Variants in CDH8 observed in about 807,000 individuals in gnomAD.
CDH8 encodes cadherin-8.
Under a neutral mutation model 68.1 loss-of-function variants are expected in CDH8, and 17 were observed. That is an observed-to-expected ratio of 0.25 (90% CI 0.17 to 0.37). The LOEUF is 0.37. Among genes scored for constraint, CDH8 ranks in the 10% least tolerant of loss-of-function variants. CDH8 has a pLI of 1.00. For synonymous variants in CDH8, 372 were observed against 365.1 expected, an observed-to-expected ratio of 1.02 and a Z score of -0.21; for missense variants, 763 against 999.3, an observed-to-expected ratio of 0.76 and a Z score of 3.19.
At chr16:61,987,865 A>G (rs1965654738) in intron 2 of CDH8, among the ~76,000 whole-genome samples, 1 of 152,118 alleles carries the variant, frequency 6.6e-6, no homozygotes, top group Non-Finnish European at 1.5e-5. Context: ...GGCACTTTGT[A>G]TGAATTGCCT....
intron 10 of CDH8, among the ~76,000 whole-genome samples, chr16:61,689,572 A>T (rs1031108019): frequency 6.6e-6 from 1 of 152,110 alleles, no homozygotes; most frequent in South Asian, 2.1e-4. Context: ...CTTAAATTCT[A>T]CAGCTTTAAA....
chr16:61,672,515 T>C (rs1039195098), intron 10 of CDH8, among the ~76,000 whole-genome samples: 1 of 152,062 alleles, frequency 6.6e-6, no homozygotes, highest in African/African-American at 2.4e-5. Context: ...GGAATACATT[T>C]GTTATTCCAC....
rs202108642 is a variant in CDH8, at chr16:61,721,497, C to CA, written c.1536+5596dup. The stretch of plus-strand genomic sequence containing the variant: ...TAGAAAAAGACTCACAGAAACTAGA[C>CA]AAAAAAAATAAAGTATCAAACCCAT... On this transcript the variant is annotated intron_variant, in intron 9 of 11. Coordinates refer to ENST00000577390, the MANE Select transcript of CDH8 (RefSeq NM_001796.5). 7.7e-3 allele frequency among the ~76,000 whole-genome samples: 1,157 copies of CA among 150,216 alleles called. 9 individuals are homozygous for CA. The highest frequency in any genetic ancestry group is 0.026 in the African/African-American group (1,078 of 41,196).
intron 10 of CDH8, among the ~76,000 whole-genome samples, chr16:61,663,240 A>ATGTAAATATG (rs1279029880): frequency 2.0e-5 from 3 of 152,072 alleles, no homozygotes; most frequent in African/African-American, 7.2e-5. Flanking sequence ...GAGTACAGTT[A>ATGTAAATATG]TGTAAATATG....
intron 8 of CDH8, among the ~76,000 whole-genome samples, chr16:61,732,401 C>T (rs1959562688): frequency 6.6e-6 from 1 of 151,690 alleles, no homozygotes; most frequent in South Asian, 2.1e-4. Context: ...CACCAGGGAA[C>T]CCCAATAAAA....
chr16:61,661,719 A>T (rs1250228831), intron 10 of CDH8, among the ~76,000 whole-genome samples: 2 of 151,776 alleles, frequency 1.3e-5, no homozygotes, highest in South Asian at 2.1e-4. Context: ...AGGCAATCAG[A>T]AGAAAGGAAA....
At chr16:61,949,810 C>A (rs2143577842) in intron 2 of CDH8, among the ~76,000 whole-genome samples, 1 of 152,014 alleles carries the variant, frequency 6.6e-6, no homozygotes, top group African/African-American at 2.4e-5. Context: ...GGCAAAACCC[C>A]ATCTCTACTA....
chr16:61,727,188 G>C lies in CDH8; in HGVS notation c.1442C>G (p.Pro481Arg). 1 of 1,609,466 alleles carries C rather than the reference G, an allele frequency of 6.2e-7. No homozygotes were observed. The highest frequency in any genetic ancestry group is 8.5e-7 in the Non-Finnish European group (1 of 1,176,992). The change falls in exon 9 of 12, where the codon CCT (proline) becomes CGT (arginine). Residue 481 changes from proline (P) to arginine (R), a missense_variant. Physicochemically the swap from Pro to Arg is moderately radical, Grantham distance 103. Transcript: ENST00000577390. ...GACATCCAGCACTTTAATAGCAACA[G>C]GTACTCGTGATATCTGACTGTGGTT... is the stretch of plus-strand genomic sequence containing the variant. ...IRNHSQISRV[P>R]VAIKVLDVND...
At chr16:61,804,423 G>C (rs369680040) in intron 7 of CDH8, among the ~76,000 whole-genome samples, 1 of 151,710 alleles carries the variant, frequency 6.6e-6, no homozygotes, top group Non-Finnish European at 1.5e-5. Flanking sequence ...AAAAGCAAGA[G>C]CAAACACATT....
chr16:61,871,045 T>A (rs887094823), intron 3 of CDH8, among the ~76,000 whole-genome samples: 1 of 152,184 alleles, frequency 6.6e-6, no homozygotes, highest in Non-Finnish European at 1.5e-5. Context: ...TTCATTCATC[T>A]ATTCAATTAC....
intron 3 of CDH8, among the ~76,000 whole-genome samples, chr16:61,884,614 T>TA: frequency 6.6e-6 from 1 of 152,178 alleles, no homozygotes; most frequent in East Asian, 1.9e-4. Flanking sequence ...CCTCAGGTGA[T>TA]CCGCCCGCCT....
At chr16:61,924,877 T>A (rs1964432790) in intron 2 of CDH8, among the ~76,000 whole-genome samples, 1 of 152,168 alleles carries the variant, frequency 6.6e-6, no homozygotes, top group African/African-American at 2.4e-5. Context: ...ACACTCTTAA[T>A]GTAGGATTTC....
intron 9 of CDH8, among the ~76,000 whole-genome samples, chr16:61,722,789 T>C (rs1169275562): frequency 2.7e-5 from 4 of 150,732 alleles, no homozygotes; most frequent in African/African-American, 9.7e-5. Flanking sequence ...ATTTGAACTT[T>C]GATACCCCCA....
intron 8 of CDH8, among the ~76,000 whole-genome samples, chr16:61,751,708 C>T (rs1960170467): frequency 6.6e-6 from 1 of 152,006 alleles, no homozygotes; most frequent in Admixed American, 6.6e-5. Context: ...TCGCAGGAAA[C>T]ATATTTCCTT....
intron 4 of CDH8, among the ~76,000 whole-genome samples, chr16:61,833,219 C>G (rs530162897): frequency 3.3e-5 from 5 of 151,212 alleles, no homozygotes; most frequent in Non-Finnish European, 7.4e-5. Flanking sequence ...ATTATATACA[C>G]AGTATATATA....
At chr16:61,924,427 A>G (rs1028152123) in intron 2 of CDH8, among the ~76,000 whole-genome samples, 2 of 152,192 alleles carry the variant, frequency 1.3e-5, no homozygotes, top group South Asian at 2.1e-4. Flanking sequence ...ACAGAGTTAA[A>G]TATCAGGCCA....
At chr16:62,006,457 ATTTC>A (rs1033086489) in intron 2 of CDH8, among the ~76,000 whole-genome samples, 2 of 152,142 alleles carry the variant, frequency 1.3e-5, no homozygotes, top group African/African-American at 4.8e-5. Context: ...CTCTGAACCT[ATTTC>A]TTTATCTGTT....
intron 8 of CDH8, among the ~76,000 whole-genome samples, chr16:61,773,600 G>A (rs1015678144): frequency 5.3e-5 from 8 of 151,868 alleles, no homozygotes; most frequent in African/African-American, 1.7e-4. Flanking sequence ...ACATCTCTGA[G>A]TATGGTTTCT....
At chr16:61,853,329 A>G (rs1424913628) in intron 4 of CDH8, among the ~76,000 whole-genome samples, 1 of 152,120 alleles carries the variant, frequency 6.6e-6, no homozygotes, top group East Asian at 1.9e-4. Flanking sequence ...AAAACAAGAT[A>G]CATACAAGAT....
Sources: gnomAD v4.1 joint callset for allele counts (sites outside exome capture counted in the v4.1 genomes callset) on GRCh38, gnomAD v4.1.1 for gene constraint, MANE v1.5 for transcripts, NCBI Gene and HGNC (gene_info 2026-07-23, HGNC 2026-07-21) for gene names.